The following AHNAK variants were observed in gnomAD, a reference collection of about 807,000 sequenced individuals.
AHNAK encodes neuroblast differentiation-associated protein AHNAK.
A neutral mutation model predicts 37.8 loss-of-function variants in AHNAK; 23 were observed. The observed-to-expected ratio is 0.61, with a 90% confidence interval of 0.44 to 0.86. The LOEUF is 0.86. Ranked by LOEUF, AHNAK falls within the 40% of genes least tolerant of loss-of-function variation. AHNAK has a pLI of 0.00. For missense variants in AHNAK, 7,411 were observed against 7,319.4 expected (o/e 1.01, Z -0.46); for synonymous variants, 2,481 against 2,636.3 (o/e 0.94, Z 1.80).
chr11:62,475,320 G>T (rs1380380217), intron 5 of AHNAK, among the ~76,000 whole-genome samples: 1 of 152,022 alleles, frequency 6.6e-6, no homozygotes, highest in African/African-American at 2.4e-5. Context: ...AAGGTGGGGG[G>T]ACCCCTGCAG....
Position 62,525,481 on chromosome 11 carries a change from C to A in AHNAK, c.8936G>T (p.Gly2979Val). The change falls in exon 5 of 5, where the codon GGC (glycine) becomes GTC (valine). Residue 2979 changes from glycine (G) to valine (V), a missense_variant. Transcript: ENST00000378024. ...TTTGGGCAGAGAAATATCCACATCG[C>A]CCTTCACCTTGGGACCTTTCAGATG... ...DLHLKGPKVKGDVDISLPKVE... is the reference protein window; with the variant it reads ...DLHLKGPKVKVDVDISLPKVE... 3 of 1,613,618 alleles carry A rather than the reference C, an allele frequency of 1.9e-6. No individual in the cohort carries two copies. The highest frequency in any genetic ancestry group is 2.5e-6 in the Non-Finnish European group (3 of 1,179,942).
At chr11:62,435,445 C>CCCGGCCTATTTATTTATCTTTTTAAGAGA (rs1938141863) in intron 5 of AHNAK, among the ~76,000 whole-genome samples, 1 of 151,842 alleles carries the variant, frequency 6.6e-6, no homozygotes, top group Non-Finnish European at 1.5e-5. Context: ...CGGAGTCTCG[C>CCCGGCCTATTTATTTATCTTTTTAAGAGA]TGTTGCCCAG....
chr11:62,436,860 AC>A (rs1938183100), intron 5 of AHNAK, among the ~76,000 whole-genome samples: 1 of 151,936 alleles, frequency 6.6e-6, no homozygotes, highest in South Asian at 2.1e-4. Context: ...AATGGCGTGA[AC>A]CCAGGAGGCG....
At chr11:62,465,508 G>A (rs999566635) in intron 5 of AHNAK, among the ~76,000 whole-genome samples, 3 of 152,118 alleles carry the variant, frequency 2.0e-5, no homozygotes, top group African/African-American at 7.2e-5. Flanking sequence ...AGCTACTCAG[G>A]AGGTTGAGGC....
chr11:62,544,048 C>A (rs974351340), intron 1 of AHNAK, among the ~76,000 whole-genome samples: 1 of 152,124 alleles, frequency 6.6e-6, no homozygotes, highest in Non-Finnish European at 1.5e-5. Context: ...CACCCCTCCG[C>A]CCCCACGGCT....
chr11:62,530,372 C>T lies in AHNAK; in HGVS notation c.4045G>A (p.Glu1349Lys). The change falls in exon 5 of 5, where the codon GAA becomes AAA. Residue 1349 changes from glutamate to lysine, a missense_variant. By Grantham distance (56) the Glu-to-Lys change is moderately conservative. Coordinates refer to ENST00000378024, the MANE Select transcript of AHNAK (RefSeq NM_001620.3). ...ACATCTGGCACTTTCATTTCACCTT[C>T]TACCTCAGGCAAGGACACATCCACA... ...GDVDVSLPEV[E>K]GEMKVPDVDI... is the part of the protein sequence containing the mutation. The T allele has an allele frequency of 1.2e-6, 2 of 1,614,114 alleles. No homozygotes were observed. The highest frequency in any genetic ancestry group is 1.7e-6 in the Non-Finnish European group (2 of 1,180,018).
At position 62,523,876 on chromosome 11, in the gene AHNAK, C is replaced by T. The variant is rs1439274622; in HGVS notation, c.10541G>A (p.Gly3514Asp). ...NIEGPSMNIE[G>D]PDLNVEGPEG... The stretch of plus-strand genomic sequence containing the variant: ...CGGACCTTCCACATTGAGATCTGGG[C>T]CCTCAATGTTCATACTTGGGCCCTC... Residue 3514 changes from glycine (G) to aspartate (D), a missense_variant, in exon 5 of 5, where the codon GGC becomes GAC. Coordinates refer to ENST00000378024, the MANE Select transcript of AHNAK (RefSeq NM_001620.3). The T allele has an allele frequency of 6.2e-7, 1 of 1,613,988 alleles. No homozygotes were observed.
chr11:62,542,819 TA>T (rs1941173600), intron 1 of AHNAK, among the ~76,000 whole-genome samples: 1 of 152,098 alleles, frequency 6.6e-6, no homozygotes, highest in Admixed American at 6.5e-5. Context: ...TGGCGTCCTA[TA>T]GGAGAGGGGG....
intron 4 of AHNAK, among the ~76,000 whole-genome samples, chr11:62,507,672 C>T (rs1287993808): frequency 6.6e-6 from 1 of 152,118 alleles, no homozygotes; most frequent in African/African-American, 2.4e-5. Context: ...CGCCTGTAGT[C>T]CCAGCTACTC....
At chr11:62,514,272 C>T (rs1482932288), downstream of AHNAK, among the ~76,000 whole-genome samples, 2 of 152,070 alleles carry the variant, frequency 1.3e-5, no homozygotes, top group African/African-American at 2.4e-5. Flanking sequence ...TTATCTCAAG[C>T]GGCATGCACA....
chr11:62,525,393 G>A lies in AHNAK; in HGVS notation c.9024C>T (p.Val3008=). ...DIRGPQVDID[V]PDVGVQGPDW... is the part of the protein sequence containing the mutation. ...CTGGGCCTTGAACGCCCACATCCGG[G>A]ACATCAATGTCCACTTGGGGACCCC... Residue 3008 remains valine, a synonymous_variant, in exon 5 of 5, where the codon GTC becomes GTT. Coordinates refer to ENST00000378024, the MANE Select transcript of AHNAK (RefSeq NM_001620.3). 1 of 1,613,062 alleles carries A rather than the reference G, an allele frequency of 6.2e-7. No homozygotes were observed. Among genetic ancestry groups the A allele is most frequent in the Non-Finnish European group, 8.5e-7 (1 of 1,179,792 alleles).
Position 62,517,738 on chromosome 11 carries a change from T to C in AHNAK, c.16679A>G (p.Asn5560Ser), listed in dbSNP as rs776303099. Residue 5560 changes from asparagine (N) to serine (S), a missense_variant, in exon 5 of 5, where the codon AAC (asparagine) becomes AGC (serine). Coordinates refer to ENST00000378024, the MANE Select transcript of AHNAK (RefSeq NM_001620.3). ...MASPESDFGI[N>S]LKGPKIKGGA... ...TCCTTTGATTTTTGGGCCCTTCAAG[T>C]TGATGCCAAAATCTGACTCAGGAGA... is the stretch of plus-strand genomic sequence containing the variant. The C allele has an allele frequency of 1.9e-6, 3 of 1,614,182 alleles. No individual in the cohort carries two copies. The highest frequency in any genetic ancestry group is 2.5e-6 in the Non-Finnish European group (3 of 1,180,018).
chr11:62,457,930 TG>T lies in AHNAK; in HGVS notation c.443-24040del, dbSNP rs1368653890. Among the ~76,000 whole-genome samples the T allele has an allele frequency of 1.7e-4, 25 of 145,570 alleles. 1 individual carries two copies. The highest frequency in any genetic ancestry group is 1.1e-3 in the South Asian group (5 of 4,738). On this transcript the variant is annotated intron_variant, in intron 5 of 5. Transcript: ENST00000257247. The stretch of plus-strand genomic sequence containing the variant: ...TGAATTTTTTTTTTTTTTTTTTTTT[TG>T]AGATGGAGTCTTACTCTTGTTGCGC...
intron 4 of AHNAK, 126 bp from the exon 5 acceptor site, chr11:62,534,200 A>G: frequency 1.1e-6 from 1 of 944,164 alleles, no homozygotes; most frequent in Non-Finnish European, 1.5e-6. Flanking sequence ...ACAGAGGTCC[A>G]TGGAGCCTCC....
At chr11:62,439,155 G>A (rs997414575) in intron 5 of AHNAK, among the ~76,000 whole-genome samples, 9 of 141,818 alleles carry the variant, frequency 6.3e-5, no homozygotes, top group South Asian at 4.6e-4. Context: ...GTGCAATGGC[G>A]TGATCTCCGC....
At chr11:62,536,996 C>T (rs1350407327) in intron 1 of AHNAK, among the ~76,000 whole-genome samples, 1 of 151,478 alleles carries the variant, frequency 6.6e-6, no homozygotes, top group African/African-American at 2.4e-5. Context: ...GTTCTGTTGC[C>T]CAGGCTGGAG....
Position 62,529,198 on chromosome 11 carries a change from T to C in AHNAK, c.5219A>G (p.Asp1740Gly), listed in dbSNP as rs762524588. The C allele has an allele frequency of 1.2e-6, 2 of 1,614,228 alleles. No homozygotes were observed. The highest frequency in any genetic ancestry group is 8.5e-7 in the Non-Finnish European group (1 of 1,180,048). Residue 1740 changes from aspartate (D) to glycine (G), a missense_variant, in exon 5 of 5, where the codon GAC becomes GGC. Physicochemically the swap from Asp to Gly is moderately conservative, Grantham distance 94. Transcript: ENST00000378024. Reference protein sequence around the residue: ...PEVDVNLPKADIDVSGPSVDT... With the variant: ...PEVDVNLPKAGIDVSGPSVDT... ...CACACTGGGTCCAGACACATCAATG[T>C]CAGCCTTTGGCAGATTCACATCCAC... is the stretch of plus-strand genomic sequence containing the variant.
Position 62,521,543 on chromosome 11 carries a change from C to A in AHNAK, c.12874G>T (p.Asp4292Tyr), listed in dbSNP as rs751842379. 6.2e-7 allele frequency: 1 copy of A among 1,613,098 alleles called. No homozygotes were observed. The highest frequency in any genetic ancestry group is 8.5e-7 in the Non-Finnish European group (1 of 1,179,784). ...VEGDLKGPEV[D>Y]IKGPKVDIDA... is the part of the protein sequence containing the mutation. ...ATGTCCACTTTGGGGCCCTTGATGT[C>A]AACTTCTGGGCCCTTGAGGTCACCT... The change falls in exon 5 of 5, where the codon GAC becomes TAC. Residue 4292 changes from aspartate (D) to tyrosine (Y), a missense_variant. Asp to Tyr is a radical substitution (Grantham distance 160, BLOSUM62 -3). Transcript: ENST00000378024.
At chr11:62,440,157 C>T (rs1938272256) in intron 5 of AHNAK, among the ~76,000 whole-genome samples, 3 of 152,148 alleles carry the variant, frequency 2.0e-5, no homozygotes, top group Admixed American at 2.0e-4. Flanking sequence ...CAATCAAGGG[C>T]CCTGAGGGAA....
Sources: allele counts gnomAD v4.1 joint callset (sites outside exome capture counted in the v4.1 genomes callset), GRCh38; gene constraint gnomAD v4.1.1; transcripts MANE v1.5; gene names NCBI Gene and HGNC (gene_info 2026-07-23, HGNC 2026-07-21).